Variants in ZDHHC11B observed in about 807,000 individuals in gnomAD.
ZDHHC11B encodes the protein zDHHC palmitoyltransferase 11B (putative).
ZDHHC11B carries 17 observed loss-of-function variants against 42.3 expected under a neutral mutation model. That is an observed-to-expected ratio of 0.40 (90% CI 0.27 to 0.60). The LOEUF (loss-of-function observed/expected upper bound fraction) is 0.60, where lower values mean the gene tolerates loss of function less well. Ranked by LOEUF, ZDHHC11B falls within the 20% of genes least tolerant of loss-of-function variation. The pLI is 0.41. For synonymous variants in ZDHHC11B, 123 were observed against 193.5 expected (o/e 0.64, Z 3.02); for missense variants, 262 against 463.2 (o/e 0.57, Z 3.99).
intron 7 of ZDHHC11B, 90 bp from the exon 8 acceptor site, chr5:748,649 G>A: frequency 8.1e-7 from 1 of 1,240,132 alleles, no homozygotes; most frequent in African/African-American, 1.4e-5. Context: ...TGCTGGGGAT[G>A]GGGCGGCGTG....
intron 4 of ZDHHC11B, among the ~76,000 whole-genome samples, chr5:759,627 C>T (rs761181892): frequency 4.0e-4 from 61 of 152,008 alleles, no homozygotes; most frequent in Admixed American, 5.2e-4. Flanking sequence ...AGAACAGACG[C>T]GGGCACGCGG....
intron 12 of ZDHHC11B, among the ~76,000 whole-genome samples, chr5:721,379 G>T (rs366738): frequency 6.6e-5 from 10 of 151,514 alleles, no homozygotes; most frequent in Non-Finnish European, 1.3e-4. Context: ...TATATATATA[G>T]ATAGATAGAT....
chr5:769,871 T>C (rs1420577158), intron 1 of ZDHHC11B, among the ~76,000 whole-genome samples: 1 of 151,930 alleles, frequency 6.6e-6, no homozygotes, highest in African/African-American at 2.4e-5. Flanking sequence ...GCTAGTGAGG[T>C]TTGGCCTTAA....
intron 1 of ZDHHC11B, among the ~76,000 whole-genome samples, chr5:774,166 C>G (rs3894749): frequency 2.0e-5 from 3 of 151,788 alleles, no homozygotes; most frequent in African/African-American, 7.3e-5. Context: ...AGAGGCCCCA[C>G]GGAAAATCAC....
intron 12 of ZDHHC11B, 31 bp downstream of exon 12, chr5:730,403 T>A (rs755282430): frequency 6.3e-7 from 1 of 1,575,934 alleles, no homozygotes; most frequent in Admixed American, 2.0e-5. Context: ...TACAGACAGA[T>A]AAAACGTTCC....
intron 6 of ZDHHC11B, among the ~76,000 whole-genome samples, chr5:754,674 C>T (rs1317146982): frequency 8.5e-6 from 1 of 117,886 alleles, no homozygotes; most frequent in Non-Finnish European, 1.9e-5. Flanking sequence ...CTGGATGAGC[C>T]TCAGCCTGGG....
intron 1 of ZDHHC11B, among the ~76,000 whole-genome samples, chr5:784,339 G>C (rs1737095183): frequency 1.3e-5 from 2 of 152,004 alleles, no homozygotes; most frequent in South Asian, 4.1e-4. Flanking sequence ...GGCTGCAGGG[G>C]CGTCCGTGGC....
chr5:751,839 C>A (rs1253822516), intron 6 of ZDHHC11B, among the ~76,000 whole-genome samples: 1 of 120,030 alleles, frequency 8.3e-6, no homozygotes, highest in African/African-American at 2.6e-5. Context: ...GTGCTTCTTG[C>A]AAACGTGATT....
chr5:729,833 A>G (rs1742882378), intron 12 of ZDHHC11B, among the ~76,000 whole-genome samples: 1 of 151,856 alleles, frequency 6.6e-6, no homozygotes, highest in Admixed American at 6.6e-5. Flanking sequence ...TAGATTTCCT[A>G]TTACTCTATG....
chr5:774,574 G>A (rs1254146023), intron 1 of ZDHHC11B, among the ~76,000 whole-genome samples: 2 of 35,604 alleles, frequency 5.6e-5, no homozygotes, highest in African/African-American at 1.9e-4. Context: ...CTACGGCCTG[G>A]GGTCTGTCAC....
chr5:752,638 C>T lies in ZDHHC11B; in HGVS notation c.504-1381G>A, dbSNP rs532395603. On this transcript the variant is annotated intron_variant, in intron 6 of 13. Transcript: ENST00000508859. The stretch of plus-strand genomic sequence containing the variant: ...CGAAGACGCAGTTAGGGCACAGCTG[C>T]CTTCCCCGCGCTCCTCCTCCCTCCA... 4.2e-4 allele frequency among the ~76,000 whole-genome samples: 41 copies of T among 97,622 alleles called. 3 individuals carry two copies. Among genetic ancestry groups the T allele is most frequent in the African/African-American group, 1.1e-3 (40 of 34,988 alleles). 64.0% of individuals were successfully genotyped at this position (97,622 alleles called of 152,430 possible).
chr5:730,392 G>T lies in ZDHHC11B; in HGVS notation c.1058+42C>A, dbSNP rs765089579. 13 of 1,570,226 alleles carry T rather than the reference G, an allele frequency of 8.3e-6. No homozygotes were observed. In the African/African-American group the frequency reaches 1.8e-4, roughly 22 times the overall value. The stretch of plus-strand genomic sequence containing the variant: ...CTAGGTAATTTGAGTTCAGGCAAGT[G>T]TACAGACAGATAAAACGTTCCCATT... On this transcript the variant is annotated intron_variant, in intron 12 of 13. Coordinates refer to ENST00000508859, the MANE Select transcript of ZDHHC11B (RefSeq NM_001351303.2).
At chr5:720,813 A>C (rs1418746849) in intron 12 of ZDHHC11B, among the ~76,000 whole-genome samples, 1 of 151,758 alleles carries the variant, frequency 6.6e-6, no homozygotes, top group East Asian at 1.9e-4. Context: ...TTTGTGTACT[A>C]TTGAAACTAA....
intron 10 of ZDHHC11B, among the ~76,000 whole-genome samples, chr5:738,941 T>G (rs1743836422): frequency 6.6e-6 from 1 of 151,078 alleles, no homozygotes; most frequent in African/African-American, 2.5e-5. Context: ...GCAATTTATC[T>G]TAATTTATCT....
intron 4 of ZDHHC11B, among the ~76,000 whole-genome samples, chr5:763,275 G>A (rs552744827): frequency 6.6e-5 from 10 of 151,312 alleles, no homozygotes; most frequent in Admixed American, 6.6e-5. Context: ...AGGCTGGGAC[G>A]GGAGGATTGT....
intron 1 of ZDHHC11B, among the ~76,000 whole-genome samples, chr5:775,275 C>T (rs577568740): frequency 2.6e-4 from 40 of 152,040 alleles, no homozygotes; most frequent in Non-Finnish European, 5.4e-4. Context: ...CACCCGCTGA[C>T]CCCCAGAGCT....
intron 4 of ZDHHC11B, among the ~76,000 whole-genome samples, chr5:764,788 G>A (rs566587416): frequency 6.6e-6 from 1 of 152,098 alleles, no homozygotes; most frequent in South Asian, 2.1e-4. Flanking sequence ...TGCCCCCGGT[G>A]TGGGAGCCAC....
At chr5:761,865 A>AGCCACTCCTAGCCCCAGACG (rs70955302) in intron 4 of ZDHHC11B, among the ~76,000 whole-genome samples, 1 of 147,644 alleles carries the variant, frequency 6.8e-6, no homozygotes, top group Non-Finnish European at 1.5e-5. Context: ...CAGACCAGAC[A>AGCCACTCCTAGCCCCAGACG]GCCACCCCTA....
chr5:754,187 G>C (rs201046868), intron 6 of ZDHHC11B, among the ~76,000 whole-genome samples: 2 of 33,040 alleles, frequency 6.1e-5, no homozygotes, highest in African/African-American at 3.2e-4. Context: ...AACATCTCTC[G>C]TCTATGAGCC....
Sources: allele counts gnomAD v4.1 joint callset (sites outside exome capture counted in the v4.1 genomes callset), GRCh38; gene constraint gnomAD v4.1.1; transcripts MANE v1.5; gene names NCBI Gene and HGNC (gene_info 2026-07-23, HGNC 2026-07-21).